Variants in COBL observed in about 807,000 individuals in gnomAD.
The protein encoded by COBL is cordon-bleu WH2 repeat protein, also known as protein cordon-bleu.
COBL carries 51 observed loss-of-function variants against 98.8 expected under a neutral mutation model. The observed-to-expected ratio is 0.52, with a 90% CI of 0.41 to 0.65. The LOEUF (loss-of-function observed/expected upper bound fraction) is 0.65, where lower values mean the gene tolerates loss of function less well. COBL is among the 30% of genes least tolerant of loss of function. COBL has a pLI of 0.00. For synonymous variants in COBL, 634 were observed against 651.7 expected, an observed-to-expected ratio of 0.97 and a Z score of 0.41; for missense variants, 1,617 against 1,617.5, an observed-to-expected ratio of 1.00 and a Z score of 0.01.
chr7:51,294,354 C>T (rs758715115), intron 1 of COBL, among the ~76,000 whole-genome samples: 71 of 149,138 alleles, frequency 4.8e-4, no homozygotes, highest in Non-Finnish European at 8.1e-4. Flanking sequence ...AAATAAAAGG[C>T]AGGGCGCAGA....
intron 6 of COBL, among the ~76,000 whole-genome samples, chr7:51,102,201 C>T (rs1226941819): frequency 6.6e-6 from 1 of 152,100 alleles, no homozygotes; most frequent in East Asian, 1.9e-4. Flanking sequence ...TAAGACACCT[C>T]TTTTGCTTGG....
chr7:51,217,078 TAA>T (rs1793120954), intron 2 of COBL, among the ~76,000 whole-genome samples: 1 of 152,232 alleles, frequency 6.6e-6, no homozygotes. Flanking sequence ...TGAGAAGGGA[TAA>T]TAATTCACTA....
chr7:51,075,270 A>G (rs2128928056), intron 7 of COBL, among the ~76,000 whole-genome samples: 1 of 152,354 alleles, frequency 6.6e-6, no homozygotes, highest in East Asian at 1.9e-4. Flanking sequence ...TAACAAGACC[A>G]ATCAATATCT....
chr7:51,052,123 A>G (rs571552686), intron 7 of COBL, among the ~76,000 whole-genome samples: 2 of 152,278 alleles, frequency 1.3e-5, no homozygotes, highest in Middle Eastern at 6.8e-3. Context: ...CTCCTTATTT[A>G]GTCCACATGC....
chr7:51,189,343 A>G (rs538477905), intron 4 of COBL, among the ~76,000 whole-genome samples: 16 of 152,288 alleles, frequency 1.1e-4, no homozygotes, highest in African/African-American at 3.4e-4. Flanking sequence ...TGGTATTAAG[A>G]AAAAATATGG....
intron 5 of COBL, among the ~76,000 whole-genome samples, chr7:51,148,328 C>T (rs1785237635): frequency 6.6e-6 from 1 of 152,150 alleles, no homozygotes; most frequent in Admixed American, 6.5e-5. Context: ...GCTCACGCTC[C>T]ACCTCAGCTC....
At chr7:51,184,533 T>G (rs1308563805) in intron 4 of COBL, among the ~76,000 whole-genome samples, 1 of 152,254 alleles carries the variant, frequency 6.6e-6, no homozygotes, top group Non-Finnish European at 1.5e-5. Flanking sequence ...ACATGTAATT[T>G]TACATTTCCT....
At chr7:51,232,361 G>A (rs1304431810) in intron 1 of COBL, among the ~76,000 whole-genome samples, 6 of 152,136 alleles carry the variant, frequency 3.9e-5, no homozygotes, top group African/African-American at 1.2e-4. Flanking sequence ...GGGGAGGGCA[G>A]AGTTGAGAGT....
At chr7:51,197,010 G>A (rs575825444) in intron 2 of COBL, among the ~76,000 whole-genome samples, 5 of 149,694 alleles carry the variant, frequency 3.3e-5, no homozygotes, top group South Asian at 2.1e-4. Flanking sequence ...ATAATTTTTC[G>A]TGTCTCAATC....
chr7:51,121,025 T>C (rs1334214763), intron 6 of COBL, among the ~76,000 whole-genome samples: 4 of 152,212 alleles, frequency 2.6e-5, no homozygotes, highest in African/African-American at 7.2e-5. Flanking sequence ...TTATTTTGGA[T>C]ATATGCCCGG....
chr7:51,262,042 T>C (rs1382594530), intron 1 of COBL, among the ~76,000 whole-genome samples: 1 of 151,780 alleles, frequency 6.6e-6, no homozygotes, highest in African/African-American at 2.4e-5. Flanking sequence ...AGGAGAGGGG[T>C]TGGGATGGAG....
At chr7:51,294,072 C>G (rs1279534484) in intron 1 of COBL, among the ~76,000 whole-genome samples, 3 of 152,156 alleles carry the variant, frequency 2.0e-5, no homozygotes, top group African/African-American at 7.2e-5. Flanking sequence ...TGGCAGATCA[C>G]TTGAGGTCAG....
intron 1 of COBL, among the ~76,000 whole-genome samples, chr7:51,245,273 T>C (rs975445810): frequency 6.6e-6 from 1 of 152,176 alleles, no homozygotes; most frequent in Non-Finnish European, 1.5e-5. Flanking sequence ...GGAATTGCCA[T>C]CAAAGTCCAA....
At chr7:51,124,800 T>C (rs12538174) in intron 6 of COBL, among the ~76,000 whole-genome samples, 12,858 of 151,842 alleles carry the variant, frequency 0.085, 769 homozygotes, top group South Asian at 0.17. Context: ...TTGTTTCCAA[T>C]TTTTTTTCTT....
intron 2 of COBL, among the ~76,000 whole-genome samples, chr7:51,214,126 CGTG>C (rs1256186031): frequency 6.6e-6 from 1 of 151,938 alleles, no homozygotes; most frequent in Non-Finnish European, 1.5e-5. Context: ...ATTAGCTGGA[CGTG>C]GTGGCACGCA....
In COBL at chr7:51,043,742, A is replaced by G. The variant is rs1234416351; in HGVS notation, c.1097-50T>C. On this transcript the variant is annotated intron_variant, in intron 7 of 12. Transcript: ENST00000265136. ...GTCAGCCCAAACCACTCTGGCGTCC[A>G]TACTGCCTAACAAGTGTGACATCAG... 4 of 1,513,326 alleles carry G rather than the reference A, an allele frequency of 2.6e-6. No individual in the cohort carries two copies. In the South Asian group the frequency reaches 3.6e-5, roughly 14 times the overall value. 93.7% of individuals were successfully genotyped at this position (1,513,326 alleles called of 1,614,324 possible).
At chr7:51,104,221 A>C (rs1796055949) in intron 6 of COBL, among the ~76,000 whole-genome samples, 1 of 152,250 alleles carries the variant, frequency 6.6e-6, no homozygotes, top group South Asian at 2.1e-4. Context: ...TAGTATAATG[A>C]AGCTACTCTG....
intron 1 of COBL, among the ~76,000 whole-genome samples, chr7:51,263,744 G>A (rs572713456): frequency 3.2e-4 from 48 of 152,328 alleles, no homozygotes; most frequent in Admixed American, 1.0e-3. Flanking sequence ...GACAGAACCA[G>A]CCAGACTGGT....
In COBL at chr7:51,212,070, C is replaced by T. The variant is rs543424879; in HGVS notation, c.245+7671G>A. 6.6e-5 allele frequency among the ~76,000 whole-genome samples: 10 copies of T among 152,278 alleles called. 1 individual carries two copies. In the South Asian group the frequency reaches 2.1e-3, roughly 32 times the overall value. On this transcript the variant is annotated intron_variant, in intron 2 of 12. Coordinates refer to ENST00000265136, the MANE Select transcript of COBL (RefSeq NM_015198.5). ...TCCGCGACATCATTTTTACCTCTAA[C>T]GTCTTTACCTCTGTTACCCCAAATG...
Sources: gnomAD v4.1 joint callset for allele counts (sites outside exome capture counted in the v4.1 genomes callset) on GRCh38, gnomAD v4.1.1 for gene constraint, MANE v1.5 for transcripts, NCBI Gene and HGNC (gene_info 2026-07-23, HGNC 2026-07-21) for gene names.